Variants in HUWE1 observed in about 807,000 individuals in gnomAD.
HUWE1 encodes the protein E3 ubiquitin-protein ligase HUWE1.
HUWE1 carries 18 observed loss-of-function variants against 299.4 expected under a neutral mutation model. The ratio of observed to expected loss-of-function variants is 0.06; its 90% CI spans 0.04 to 0.09. The LOEUF (loss-of-function observed/expected upper bound fraction) is 0.09. Among genes scored for constraint, HUWE1 ranks in the 10% least tolerant of loss-of-function variants. The pLI is 1.00. For missense variants in HUWE1, 1,832 were observed against 3,462.3 expected (o/e 0.53, Z 11.82); for synonymous variants, 1,317 against 1,286.1 (o/e 1.02, Z -0.51).
intron 39 of HUWE1, among the ~76,000 whole-genome samples, chrX:53,585,697 T>C (rs1260698165): frequency 7.1e-5 from 8 of 112,028 alleles, no homozygotes; most frequent in African/African-American, 2.6e-4. Context: ...AATATTTTTT[T>C]TGGAGACAGG....
chrX:53,607,131 T>C (rs1479735394), intron 25 of HUWE1, among the ~76,000 whole-genome samples: 4 of 111,275 alleles, frequency 3.6e-5, no homozygotes, highest in African/African-American at 1.3e-4. Context: ...TTAAAATACA[T>C]GACTACCAAG....
chrX:53,575,246 C>T (rs1556957403), intron 45 of HUWE1, 25 bp from the exon 46 acceptor site: 2 of 1,142,085 alleles, frequency 1.8e-6, no homozygotes, highest in Non-Finnish European at 2.4e-6. Flanking sequence ...AACTCCTGAG[C>T]TATTATGAAT....
intron 3 of HUWE1, among the ~76,000 whole-genome samples, chrX:53,666,257 G>A (rs1557047536): frequency 1.8e-5 from 2 of 110,665 alleles, no homozygotes. Flanking sequence ...CAGGTGATTT[G>A]GCAGCACAGG....
chrX:53,655,445 T>C (rs1229900047), intron 3 of HUWE1, among the ~76,000 whole-genome samples: 1 of 112,069 alleles, frequency 8.9e-6, no homozygotes, highest in Non-Finnish European at 1.9e-5. Flanking sequence ...GCAGAGACCA[T>C]TCCTTAAGAA....
intron 3 of HUWE1, among the ~76,000 whole-genome samples, chrX:53,674,327 C>T (rs782666321): frequency 1.8e-5 from 2 of 111,333 alleles, no homozygotes; most frequent in Non-Finnish European, 3.8e-5. Flanking sequence ...ATCCTCTCCC[C>T]AAATATGCAC....
At position 53,535,445 on chromosome X, in the gene HUWE1, G is replaced by C. The variant is rs1556911669; in HGVS notation, c.12588C>G (p.Ile4196Met). ...CCTTCTTATTCTCCTCTGTTACCAA[G>C]ATGTTGGCCCCATTGGGTTTGAGGT... Reference protein sequence around the residue: ...VRDLKPNGANILVTEENKKEY... With the variant: ...VRDLKPNGANMLVTEENKKEY... Residue 4196 changes from isoleucine to methionine, a missense_variant, in exon 81 of 84, where the codon ATC (isoleucine) becomes ATG (methionine). Ile to Met is a conservative substitution (Grantham distance 10). Coordinates refer to ENST00000262854, the MANE Select transcript of HUWE1 (RefSeq NM_031407.7). The C allele has an allele frequency of 8.3e-7, 1 of 1,207,935 alleles. No homozygotes were observed. The highest frequency in any genetic ancestry group is 1.8e-5 in the African/African-American group (1 of 57,018).
chrX:53,536,108 T>C (rs372560147), intron 80 of HUWE1, 39 bp downstream of exon 80: 18 of 881,025 alleles, frequency 2.0e-5, no homozygotes, highest in Non-Finnish European at 2.7e-5. Context: ...ATCTTCCAGA[T>C]TGGCTGGGAT....
intron 24 of HUWE1, among the ~76,000 whole-genome samples, chrX:53,608,234 TTAG>T (rs1383497241): frequency 1.8e-5 from 2 of 111,603 alleles, no homozygotes; most frequent in Non-Finnish European, 3.8e-5. Context: ...TTGGAAGTGA[TTAG>T]TAGGCTGAAA....
At chrX:53,545,773 G>A (rs1487257302) in intron 70 of HUWE1, among the ~76,000 whole-genome samples, 2 of 110,981 alleles carry the variant, frequency 1.8e-5, no homozygotes, top group African/African-American at 6.6e-5. Flanking sequence ...CCAGACTTAG[G>A]GACATGGGGG....
In HUWE1 at chrX:53,533,185, C is replaced by A. The variant is rs782668201; in HGVS notation, c.*124G>T. ...GGGAAGATGGGGCAGCTGGGACACA[C>A]ACGGTGAGTTGGTGGATTTCATTTA... On this transcript the variant is annotated 3_prime_UTR_variant, in exon 84 of 84. Coordinates refer to ENST00000262854, the MANE Select transcript of HUWE1 (RefSeq NM_031407.7). 9.8e-6 allele frequency: 5 copies of A among 508,055 alleles called. No homozygotes were observed. The East Asian group carries it at 1.8e-4, about 19-fold the overall frequency. 41.9% of individuals were successfully genotyped at this position (508,055 alleles called of 1,213,427 possible).
rs181309289 is a variant in HUWE1, at chrX:53,589,785, C to T, written c.4223G>A (p.Arg1408Gln). The T allele has an allele frequency of 1.7e-5, 20 of 1,208,040 alleles. No individual in the cohort carries two copies. The highest frequency in any genetic ancestry group is 2.2e-5 in the Admixed American group (1 of 45,582). Residue 1408 changes from arginine (R) to glutamine (Q), a missense_variant, in exon 36 of 84, where the codon CGG becomes CAG. Physicochemically the swap from Arg to Gln is conservative, Grantham distance 43 (BLOSUM62 1). Coordinates refer to ENST00000262854, the MANE Select transcript of HUWE1 (RefSeq NM_031407.7). The stretch of plus-strand genomic sequence containing the variant: ...CTCCTCCTGCTTTTCCCGAGCTTTC[C>T]GTTCCTCTTCCTCCTTCCGGCAAGC... ...EVACRKEEEE[R>Q]KAREKQEEEE... is the part of the protein sequence containing the mutation.
intron 3 of HUWE1, among the ~76,000 whole-genome samples, chrX:53,666,953 AC>A (rs1402582537): frequency 8.9e-6 from 1 of 112,673 alleles, no homozygotes; most frequent in East Asian, 2.8e-4. Flanking sequence ...ACTGAAAAAA[AC>A]AATTTAGATT....
intron 3 of HUWE1, among the ~76,000 whole-genome samples, chrX:53,669,973 A>T (rs1486259989): frequency 8.9e-6 from 1 of 112,475 alleles, no homozygotes; most frequent in East Asian, 2.8e-4. Flanking sequence ...AGTTGAAAAA[A>T]GGAAGGGAAA....
intron 4 of HUWE1, among the ~76,000 whole-genome samples, chrX:53,650,945 A>T (rs782036960): frequency 6.5e-4 from 73 of 111,670 alleles, no homozygotes; most frequent in Non-Finnish European, 9.0e-4. Context: ...TAGGTTAAAA[A>T]TTGTTTTTTA....
intron 74 of HUWE1, among the ~76,000 whole-genome samples, chrX:53,540,718 C>G (rs2061308464): frequency 8.9e-6 from 1 of 111,856 alleles, no homozygotes; most frequent in African/African-American, 3.2e-5. Flanking sequence ...ATGGCTGGTA[C>G]TTTTCCTGAT....
intron 72 of HUWE1, 137 bp from the exon 73 acceptor site, chrX:53,544,105 G>T: frequency 3.6e-6 from 2 of 549,436 alleles, no homozygotes; most frequent in South Asian, 5.3e-5. Flanking sequence ...AAGCTTCAGA[G>T]TGCTCATCAT....
intron 3 of HUWE1, among the ~76,000 whole-genome samples, chrX:53,668,247 G>A (rs1378190215): frequency 9.1e-6 from 1 of 109,741 alleles, no homozygotes; most frequent in Non-Finnish European, 1.9e-5. Flanking sequence ...TTCAAGACCA[G>A]CCTGGCCAAC....
At chrX:53,672,859 G>A (rs1269559698) in intron 3 of HUWE1, among the ~76,000 whole-genome samples, 4 of 111,701 alleles carry the variant, frequency 3.6e-5, no homozygotes, top group African/African-American at 9.8e-5. Flanking sequence ...AAAAGCCTTC[G>A]AAGAAGATAC....
At chrX:53,534,927 A>G (rs1334855950) in intron 81 of HUWE1, among the ~76,000 whole-genome samples, 1 of 108,411 alleles carries the variant, frequency 9.2e-6, no homozygotes, top group Non-Finnish European at 1.9e-5. Flanking sequence ...TGTCCAGTGA[A>G]GTTAAGCTGG....
Sources: allele counts gnomAD v4.1 joint callset (sites outside exome capture counted in the v4.1 genomes callset), GRCh38; gene constraint gnomAD v4.1.1; transcripts MANE v1.5; gene names NCBI Gene and HGNC (gene_info 2026-07-23, HGNC 2026-07-21).